Variants in RCN2 observed in about 807,000 individuals in gnomAD.
RCN2 encodes reticulocalbin-2.
In RCN2, 23 loss-of-function variants were observed where a neutral mutation model predicts 37.5. That is an observed-to-expected ratio of 0.61 (90% CI 0.44 to 0.87). RCN2 has a LOEUF of 0.87. Among genes scored for constraint, RCN2 ranks in the 40% least tolerant of loss-of-function variants. The pLI is 0.00. For missense variants in RCN2, 381 were observed against 390.4 expected, an observed-to-expected ratio of 0.98 and a Z score of 0.20; for synonymous variants, 140 against 144.6, an observed-to-expected ratio of 0.97 and a Z score of 0.23.
At chr15:76,943,895 G>A in intron 4 of RCN2, 24 bp downstream of exon 4, 1 of 1,323,350 alleles carries the variant, frequency 7.6e-7, no homozygotes, top group Non-Finnish European at 1.1e-6. Context: ...ATTTTTAAGA[G>A]AATTATTGAG....
chr15:76,936,330 C>A (rs1011079041), intron 3 of RCN2, among the ~76,000 whole-genome samples: 1 of 151,796 alleles, frequency 6.6e-6, no homozygotes, highest in African/African-American at 2.4e-5. Flanking sequence ...GGTCCCCAAC[C>A]TTTTTGGCAC....
intron 4 of RCN2, among the ~76,000 whole-genome samples, chr15:76,946,312 G>A (rs2075296465): frequency 6.6e-6 from 1 of 152,120 alleles, no homozygotes; most frequent in South Asian, 2.1e-4. Context: ...GCCAGGTGTG[G>A]TGGCATGCAC....
intron 2 of RCN2, among the ~76,000 whole-genome samples, chr15:76,933,249 T>C (rs1483165166): frequency 6.6e-6 from 1 of 152,240 alleles, no homozygotes; most frequent in East Asian, 1.9e-4. Context: ...ATTCAGGTTG[T>C]TATTGTGACT....
chr15:76,947,343 T>C (rs558427918), intron 4 of RCN2, 78 bp from the exon 5 acceptor site: 33 of 805,872 alleles, frequency 4.1e-5, no homozygotes, highest in African/African-American at 3.3e-4. Context: ...AGAAGTTCTG[T>C]AGTAGAATTG....
chr15:76,937,462 G>A (rs1047260183), intron 3 of RCN2, among the ~76,000 whole-genome samples: 2 of 151,180 alleles, frequency 1.3e-5, no homozygotes, highest in Non-Finnish European at 2.9e-5. Context: ...TGTTGCCCAG[G>A]CTGAAGTGCA....
chr15:76,942,710 G>A (rs2152650941), intron 3 of RCN2: 1 of 152,392 alleles, frequency 6.6e-6, no homozygotes, highest in East Asian at 1.9e-4. Context: ...GGGAGGCTGA[G>A]GCAGGTGGAT....
rs997238701 is a variant in RCN2 at position 76,931,760 on chromosome 15, C to A, written c.-82C>A. 5.5e-6 allele frequency: 6 copies of A among 1,088,598 alleles called. No individual in the cohort carries two copies. Among genetic ancestry groups the A allele is most frequent in the Middle Eastern group, 2.3e-4 (1 of 4,346 alleles). The allele number at this position is 1,088,598 out of a possible 1,614,324, so 67.4% of individuals were successfully genotyped here. On this transcript the variant is annotated 5_prime_UTR_variant, in exon 1 of 7. Coordinates refer to ENST00000394885, the MANE Select transcript of RCN2 (RefSeq NM_002902.3). ...GTACGTCGCACCGCCTCTCTGTAGC[C>A]GCCCGCGGAGCATCGCAGCCGGCCC...
intron 1 of RCN2, 64 bp downstream of exon 1, chr15:76,932,049 C>G: frequency 8.0e-7 from 1 of 1,243,180 alleles, no homozygotes; most frequent in Non-Finnish European, 1.0e-6. Context: ...CGGGCTTTGT[C>G]CCGGGACAAA....
intron 4 of RCN2, among the ~76,000 whole-genome samples, 172 bp from the exon 5 acceptor site, chr15:76,947,249 G>T (rs2075300129): frequency 6.6e-6 from 1 of 152,132 alleles, no homozygotes; most frequent in East Asian, 1.9e-4. Flanking sequence ...TGAAGATATG[G>T]ACAACCAAAG....
At chr15:76,946,487 T>C (rs1482113710) in intron 4 of RCN2, among the ~76,000 whole-genome samples, 3 of 150,574 alleles carry the variant, frequency 2.0e-5, no homozygotes, top group Non-Finnish European at 4.4e-5. Context: ...CGGAGTGGCT[T>C]ACGCCTGTAA....
At chr15:76,937,488 C>G (rs2075257074) in intron 3 of RCN2, among the ~76,000 whole-genome samples, 1 of 151,752 alleles carries the variant, frequency 6.6e-6, no homozygotes, top group Non-Finnish European at 1.5e-5. Flanking sequence ...ATAATCTCGG[C>G]TCACTGCCTC....
intron 3 of RCN2, among the ~76,000 whole-genome samples, chr15:76,938,508 A>G (rs1004238946): frequency 1.2e-4 from 18 of 152,198 alleles, no homozygotes; most frequent in African/African-American, 4.3e-4. Flanking sequence ...AAAGTGTACC[A>G]TTCAGTAGTG....
chr15:76,944,411 A>G (rs941078318), intron 4 of RCN2, among the ~76,000 whole-genome samples: 11 of 152,138 alleles, frequency 7.2e-5, no homozygotes, highest in East Asian at 1.9e-4. Context: ...TTTAAAATGT[A>G]TAATTAGTTA....
chr15:76,932,448 G>A lies in RCN2; in HGVS notation c.232G>A (p.Asp78Asn). 1 of 1,610,582 alleles carries A rather than the reference G, an allele frequency of 6.2e-7. No homozygotes were observed. The highest frequency in any genetic ancestry group is 8.5e-7 in the Non-Finnish European group (1 of 1,178,152). The change falls in exon 2 of 7, where the codon GAT becomes AAT. Residue 78 changes from aspartate (D) to asparagine (N), a missense_variant. Physicochemically the swap from Asp to Asn is conservative, Grantham distance 23. Transcript: ENST00000394885. ...CATAAAGAAAATCGACTTGGACTCA[G>A]ATGGCTTTCTCACTGAAAGTAAGGA... Reference protein sequence around the residue: ...AIIKKIDLDSDGFLTESELSS... With the variant: ...AIIKKIDLDSNGFLTESELSS...
chr15:76,949,447 GACA>G lies in RCN2; in HGVS notation c.*230_*232del. ...ACAAAATATTAATATTGTGCCATAT[GACA>G]ACAAAGTCTTTCCTAAATACTCCAT... is the stretch of plus-strand genomic sequence containing the variant. On this transcript the variant is annotated 3_prime_UTR_variant, in exon 7 of 7. Coordinates refer to ENST00000394885, the MANE Select transcript of RCN2 (RefSeq NM_002902.3). The G allele has an allele frequency of 2.8e-6, 1 of 356,996 alleles. No homozygotes were observed. Among genetic ancestry groups the G allele is most frequent in the African/African-American group, 2.1e-5 (1 of 47,576 alleles). 22.1% of individuals were successfully genotyped at this position (356,996 alleles called of 1,614,324 possible). A position where few individuals can be genotyped will look rare whatever the true frequency, so the allele number is the denominator to read the frequency against.
intron 4 of RCN2, among the ~76,000 whole-genome samples, chr15:76,945,057 G>C (rs899801227): frequency 2.6e-5 from 4 of 152,206 alleles, no homozygotes; most frequent in Non-Finnish European, 5.9e-5. Context: ...AGAATTTTAA[G>C]AGATACACAG....
intron 3 of RCN2, chr15:76,941,750 A>G: frequency 1.3e-6 from 1 of 796,092 alleles, no homozygotes; most frequent in Non-Finnish European, 1.8e-6. Context: ...AGAAAAAGCT[A>G]CCCCCTTCAC....
At chr15:76,944,233 G>A (rs12909665) in intron 4 of RCN2, among the ~76,000 whole-genome samples, 1 of 151,516 alleles carries the variant, frequency 6.6e-6, no homozygotes. Context: ...CGCCCGCCTC[G>A]GCTTGCCAAA....
At chr15:76,943,984 CTTTTTTTTTTTTT>C (rs11361216) in intron 4 of RCN2, 113 bp downstream of exon 4, 6 of 96,414 alleles carry the variant, frequency 6.2e-5, no homozygotes, top group Admixed American at 3.4e-4. Context: ...ATACATGAGA[CTTTTTTTTTTTTT>C]TTTTTTTTTT....
Sources: allele counts gnomAD v4.1 joint callset (sites outside exome capture counted in the v4.1 genomes callset), GRCh38; gene constraint gnomAD v4.1.1; transcripts MANE v1.5; gene names NCBI Gene and HGNC (gene_info 2026-07-23, HGNC 2026-07-21).